FYB2: variants seen among roughly 807,000 people sequenced by gnomAD.
The protein encoded by FYB2 is FYN binding protein 2, also known as FYN-binding protein 2.
In FYB2, 103 loss-of-function variants were observed where a neutral mutation model predicts 94.1. The observed-to-expected ratio is 1.09, with a 90% CI of 0.93 to 1.29. The LOEUF is 1.29. Ranked by LOEUF, FYB2 falls within the 50% of genes most tolerant of loss-of-function variation. The probability of loss-of-function intolerance (pLI) is 0.00; values close to 1 mark genes in which losing one functional copy is unlikely to be tolerated. For missense variants in FYB2, 896 were observed against 841.5 expected (o/e 1.06, Z -0.80); for synonymous variants, 293 against 287.9 (o/e 1.02, Z -0.18).
intron 6 of FYB2, among the ~76,000 whole-genome samples, chr1:56,757,687 C>CTTTCTTTCT (rs1645372059): frequency 9.7e-5 from 7 of 71,956 alleles, no homozygotes; most frequent in African/African-American, 4.4e-4. Context: ...TCCTTCCTTC[C>CTTTCTTTCT]TTCTTTCTTT....
At chr1:56,793,738 GAAAAAAAA>G (rs61663036) in intron 1 of FYB2, among the ~76,000 whole-genome samples, 3 of 80,676 alleles carry the variant, frequency 3.7e-5, no homozygotes, top group South Asian at 1.1e-3. Context: ...AACGAAAGTT[GAAAAAAAA>G]AAAAAAAAAA....
intron 2 of FYB2, among the ~76,000 whole-genome samples, chr1:56,789,336 C>T (rs774684084): frequency 8.5e-5 from 13 of 152,094 alleles, no homozygotes; most frequent in Non-Finnish European, 1.6e-4. Context: ...TTGGTTACTC[C>T]ATCTCTGCCA....
In FYB2 at chr1:56,737,094, C is replaced by G. The variant is rs773838481; in HGVS notation, c.1786G>C (p.Glu596Gln). 9 of 1,602,856 alleles carry G rather than the reference C, an allele frequency of 5.6e-6. No homozygotes were observed. The highest frequency in any genetic ancestry group is 5.1e-5 in the Admixed American group (3 of 59,188). ...ATAAGGTAAATTACTTACTTTGACT[C>G]TTTTTCACTCAGGTCTACATCATCA... ...IYDDVDLSEK[E>Q]SKDEDKLKMW... is the part of the protein sequence containing the mutation. The change falls in exon 15 of 20, where the codon GAG becomes CAG. Residue 596 changes from glutamate to glutamine, a missense_variant. Transcript: ENST00000343433.
chr1:56,777,598 G>A (rs1480089140), intron 4 of FYB2, among the ~76,000 whole-genome samples: 1 of 152,218 alleles, frequency 6.6e-6, no homozygotes, highest in Admixed American at 6.5e-5. Flanking sequence ...TGCTGTCTAA[G>A]TCCATTCTAT....
chr1:56,756,828 G>A (rs953481522), intron 6 of FYB2, among the ~76,000 whole-genome samples: 4 of 152,124 alleles, frequency 2.6e-5, no homozygotes. Flanking sequence ...GAGGGACTTG[G>A]TACATGTTTG....
intron 8 of FYB2, 125 bp downstream of exon 8, chr1:56,753,714 A>G (rs920875645): frequency 3.1e-6 from 2 of 653,398 alleles, no homozygotes; most frequent in African/African-American, 3.6e-5. Context: ...CCTTGATACA[A>G]TATCAAATGC....
At position 56,726,496 on chromosome 1, in the gene FYB2, C is replaced by T. The variant is rs1557581778; in HGVS notation, c.1880+1G>A. ...TAATAGAAGTGCCTCTGTGTTCCCA[C>T]CTTTCTGATTCTTCAGCACCGTTTT... On this transcript the variant is annotated splice_donor_variant, in intron 16 of 19. Coordinates refer to ENST00000343433, the MANE Select transcript of FYB2 (RefSeq NM_001004303.5). LOFTEE classifies it high-confidence loss of function. 1.2e-6 allele frequency: 2 copies of T among 1,611,036 alleles called. No homozygotes were observed. The highest frequency in any genetic ancestry group is 1.7e-6 in the Non-Finnish European group (2 of 1,178,430).
chr1:56,775,203 T>C (rs1442137515), intron 4 of FYB2, among the ~76,000 whole-genome samples: 1 of 152,104 alleles, frequency 6.6e-6, no homozygotes, highest in Non-Finnish European at 1.5e-5. Context: ...ACTTACCAAT[T>C]CTACTATGAC....
chr1:56,805,183 C>T (rs750050224), intron 1 of FYB2, among the ~76,000 whole-genome samples: 10 of 152,086 alleles, frequency 6.6e-5, no homozygotes, highest in Admixed American at 2.6e-4. Flanking sequence ...GATTTACATA[C>T]GTGTCTGCTT....
chr1:56,780,199 GT>G (rs1645975831), intron 4 of FYB2, among the ~76,000 whole-genome samples: 1 of 152,116 alleles, frequency 6.6e-6, no homozygotes, highest in Non-Finnish European at 1.5e-5. Context: ...GTGATTGTCT[GT>G]TTCTTTCTCA....
In FYB2 at chr1:56,726,505, T is replaced by C. The variant is rs369304354; in HGVS notation, c.1872A>G (p.Glu624=). 10 of 1,611,514 alleles carry C rather than the reference T, an allele frequency of 6.2e-6. No individual in the cohort carries two copies. Among genetic ancestry groups the C allele is most frequent in the Non-Finnish European group, 8.5e-6 (10 of 1,178,678 alleles). ...TGCCTCTGTGTTCCCACCTTTCTGA[T>C]TCTTCAGCACCGTTTTTCTCTTTTT... ...KEKKEKNGAE[E]SESFSPRNFF... is the part of the protein sequence containing the mutation. Residue 624 remains glutamate (E), a synonymous_variant, in exon 16 of 20, where the codon GAA becomes GAG. Transcript: ENST00000343433.
At chr1:56,781,321 TA>T (rs1310099411) in intron 4 of FYB2, among the ~76,000 whole-genome samples, 2 of 152,112 alleles carry the variant, frequency 1.3e-5, no homozygotes, top group African/African-American at 4.8e-5. Flanking sequence ...ATAACCTCCA[TA>T]TTGTCCTAGA....
chr1:56,720,788 C>A (rs1644470702), intron 17 of FYB2: 1 of 153,306 alleles, frequency 6.5e-6, no homozygotes, highest in African/African-American at 2.4e-5. Flanking sequence ...CCCAGACAGA[C>A]CCCAGTGTTT....
At chr1:56,753,805 T>C in intron 8 of FYB2, 34 bp downstream of exon 8, 2 of 1,462,214 alleles carry the variant, frequency 1.4e-6, no homozygotes, top group Non-Finnish European at 1.9e-6. Context: ...ATCTGTTATA[T>C]GTCTAAACTG....
upstream of FYB2, among the ~76,000 whole-genome samples, chr1:56,822,681 C>G (rs1442183222): frequency 6.6e-6 from 1 of 151,594 alleles, no homozygotes; most frequent in East Asian, 1.9e-4. Flanking sequence ...AGTCTTTCCT[C>G]TCTCAGCAAA....
At chr1:56,826,016 C>T in the FYB2 span, among the ~76,000 whole-genome samples, 2 of 152,326 alleles carry the variant, frequency 1.3e-5, no homozygotes, top group African/African-American at 2.4e-5. Flanking sequence ...CACTCAACAG[C>T]GTTCAGTGAG....
intron 13 of FYB2, among the ~76,000 whole-genome samples, 168 bp downstream of exon 13, chr1:56,740,529 G>A (rs992842564): frequency 2.0e-5 from 3 of 151,974 alleles, no homozygotes; most frequent in Non-Finnish European, 4.4e-5. Flanking sequence ...TAGTCTCTGT[G>A]CATGTAGTTC....
chr1:56,781,617 G>A (rs972708320), intron 4 of FYB2, among the ~76,000 whole-genome samples: 2 of 152,148 alleles, frequency 1.3e-5, no homozygotes, highest in Non-Finnish European at 2.9e-5. Flanking sequence ...TTTCCAGGAC[G>A]TCTTTCTGTT....
chr1:56,777,873 C>T (rs1645918515), intron 4 of FYB2, among the ~76,000 whole-genome samples: 1 of 152,148 alleles, frequency 6.6e-6, no homozygotes, highest in South Asian at 2.1e-4. Context: ...CTCCACACAG[C>T]AGCCAAGATG....
Sources: allele counts gnomAD v4.1 joint callset (sites outside exome capture counted in the v4.1 genomes callset), GRCh38; gene constraint gnomAD v4.1.1; transcripts MANE v1.5; gene names NCBI Gene and HGNC (gene_info 2026-07-23, HGNC 2026-07-21).